Variants in CFAP299 observed in about 807,000 individuals in gnomAD.
CFAP299 encodes the protein cilia and flagella associated protein 299.
A neutral mutation model predicts 27.0 loss-of-function variants in CFAP299; 21 were observed. The observed-to-expected ratio is 0.78, with a 90% CI of 0.55 to 1.12. CFAP299 has a LOEUF of 1.12. Among genes scored for constraint, CFAP299 ranks in the 50% most tolerant of loss-of-function variants. The probability of loss-of-function intolerance (pLI) is 0.00; values close to 1 mark genes in which losing one functional copy is unlikely to be tolerated. For missense variants in CFAP299, 310 were observed against 276.6 expected (o/e 1.12, Z -0.86); for synonymous variants, 104 against 98.1 (o/e 1.06, Z -0.36).
chr4:80,445,991 T>A (rs569414193), intron 2 of CFAP299, among the ~76,000 whole-genome samples: 1 of 152,180 alleles, frequency 6.6e-6, no homozygotes, highest in African/African-American at 2.4e-5. Flanking sequence ...CGCCTGAAAG[T>A]TTGAAATGGT....
intron 2 of CFAP299, among the ~76,000 whole-genome samples, chr4:80,433,886 G>T (rs1248670855): frequency 6.6e-6 from 1 of 152,094 alleles, no homozygotes; most frequent in Non-Finnish European, 1.5e-5. Flanking sequence ...TAAAAATGCT[G>T]TCAACCTCTT....
intron 2 of CFAP299, among the ~76,000 whole-genome samples, chr4:80,429,477 G>A (rs968266952): frequency 5.9e-5 from 9 of 152,168 alleles, no homozygotes; most frequent in African/African-American, 2.2e-4. Flanking sequence ...GCATTTTACT[G>A]TGCCATCAAC....
intron 2 of CFAP299, among the ~76,000 whole-genome samples, chr4:80,451,468 A>G (rs549036371): frequency 6.6e-6 from 1 of 152,356 alleles, no homozygotes; most frequent in East Asian, 1.9e-4. Flanking sequence ...GCAACTGAGT[A>G]CACTATAAGA....
chr4:80,637,571 C>T (rs1405023142), intron 3 of CFAP299, among the ~76,000 whole-genome samples: 1 of 152,092 alleles, frequency 6.6e-6, no homozygotes, highest in Non-Finnish European at 1.5e-5. Flanking sequence ...ATTCCCAGCA[C>T]TATAGCATTT....
intron 3 of CFAP299, among the ~76,000 whole-genome samples, chr4:80,770,625 T>TA (rs549993475): frequency 6.6e-6 from 1 of 152,240 alleles, no homozygotes; most frequent in Non-Finnish European, 1.5e-5. Context: ...TATAAATTTA[T>TA]AAAAAATGTG....
At chr4:80,477,977 C>A (rs146905630) in intron 2 of CFAP299, among the ~76,000 whole-genome samples, 19 of 152,252 alleles carry the variant, frequency 1.2e-4, no homozygotes, top group African/African-American at 3.1e-4. Flanking sequence ...CCAGTATGGA[C>A]CTTAGTGATT....
At position 80,646,984 on chromosome 4, in the gene CFAP299, AGAGAGTGTGT is replaced by A. The variant is rs1318751776; in HGVS notation, c.333+63803_333+63812del. 3.8e-3 allele frequency among the ~76,000 whole-genome samples: 544 copies of A among 145,010 alleles called. 3 individuals carry two copies. In the East Asian group the frequency reaches 0.041, roughly 11 times the overall value. Reference sequence around the variant, plus strand: ...CCAATTCTTTGAGAGAGAGAGAGAGAGAGAGTGTGTGTGTGTGTGTGTGTGTGTGTGTGTA... The same window carrying A: ...CCAATTCTTTGAGAGAGAGAGAGAGAGTGTGTGTGTGTGTGTGTGTGTGTA... On this transcript the variant is annotated intron_variant, in intron 3 of 5. Transcript: ENST00000358105.
chr4:80,858,084 C>A (rs1435367608), intron 3 of CFAP299, among the ~76,000 whole-genome samples: 12 of 152,082 alleles, frequency 7.9e-5, no homozygotes, highest in African/African-American at 1.9e-4. Context: ...ACAATTTCAG[C>A]TCCTGTTATT....
chr4:80,707,468 A>G (rs918511230), intron 3 of CFAP299, among the ~76,000 whole-genome samples: 11 of 152,124 alleles, frequency 7.2e-5, no homozygotes, highest in African/African-American at 2.6e-4. Flanking sequence ...CTGAGACCAT[A>G]TCTGGTGCTC....
At chr4:80,883,225 G>A (rs1045394696) in intron 4 of CFAP299, among the ~76,000 whole-genome samples, 2 of 152,008 alleles carry the variant, frequency 1.3e-5, no homozygotes, top group Admixed American at 1.3e-4. Context: ...ATGTGAAAAT[G>A]GACTGTTATA....
intron 3 of CFAP299, among the ~76,000 whole-genome samples, chr4:80,768,187 C>T (rs1389547160): frequency 6.6e-6 from 1 of 152,134 alleles, no homozygotes; most frequent in Non-Finnish European, 1.5e-5. Context: ...GTAATAACAC[C>T]TAAGATTCTA....
At position 80,542,317 on chromosome 4, in the gene CFAP299, G is replaced by C. The variant is rs200024060; in HGVS notation, c.243-40776G>C. Among the ~76,000 whole-genome samples, 20 of 152,208 alleles carry C rather than the reference G, an allele frequency of 1.3e-4. No individual in the cohort carries two copies. In the East Asian group the frequency reaches 3.7e-3, roughly 28 times the overall value. On this transcript the variant is annotated intron_variant, in intron 2 of 5. Transcript: ENST00000358105. ...ATGGGACATCACCTTGTAATCATCA[G>C]GCTTGAGAAAATATGGCCATTTAAT...
At chr4:80,893,694 T>C (rs897532044) in intron 4 of CFAP299, among the ~76,000 whole-genome samples, 1 of 151,014 alleles carries the variant, frequency 6.6e-6, no homozygotes, top group Non-Finnish European at 1.5e-5. Context: ...ACCCTTATCT[T>C]GCAATGTATA....
At chr4:80,421,785 C>G (rs1479365247) in intron 2 of CFAP299, among the ~76,000 whole-genome samples, 1 of 152,174 alleles carries the variant, frequency 6.6e-6, no homozygotes. Flanking sequence ...ATCTTTTACA[C>G]AAAACCAAAA....
chr4:80,470,623 A>G (rs565007262), intron 2 of CFAP299, among the ~76,000 whole-genome samples: 1 of 152,284 alleles, frequency 6.6e-6, no homozygotes, highest in East Asian at 1.9e-4. Context: ...TGTCAATTTT[A>G]TGAGACTGTG....
At chr4:80,486,239 C>T (rs1359948423) in intron 2 of CFAP299, among the ~76,000 whole-genome samples, 1 of 152,206 alleles carries the variant, frequency 6.6e-6, no homozygotes, top group Non-Finnish European at 1.5e-5. Context: ...CTAAGTGCCT[C>T]TCACTACCCT....
chr4:80,761,512 T>C (rs1015114708), intron 3 of CFAP299, among the ~76,000 whole-genome samples: 1 of 152,046 alleles, frequency 6.6e-6, no homozygotes, highest in East Asian at 1.9e-4. Flanking sequence ...GCTAAAATAT[T>C]AATATATTTA....
At chr4:80,802,936 A>G (rs1442371703) in intron 3 of CFAP299, among the ~76,000 whole-genome samples, 8 of 152,066 alleles carry the variant, frequency 5.3e-5, no homozygotes, top group Non-Finnish European at 7.4e-5. Flanking sequence ...TTATTGACAA[A>G]AAGTTAAAAG....
At chr4:80,515,950 C>T (rs1732563746) in intron 2 of CFAP299, among the ~76,000 whole-genome samples, 1 of 150,860 alleles carries the variant, frequency 6.6e-6, no homozygotes, top group Admixed American at 6.6e-5. Flanking sequence ...AAGTACATTG[C>T]ATATGCATTA....
Sources: allele counts gnomAD v4.1 joint callset (sites outside exome capture counted in the v4.1 genomes callset), GRCh38; gene constraint gnomAD v4.1.1; transcripts MANE v1.5; gene names NCBI Gene and HGNC (gene_info 2026-07-23, HGNC 2026-07-21).